PCDHA7: variants seen among roughly 807,000 people sequenced by gnomAD.
PCDHA7 encodes protocadherin alpha-7.
A neutral mutation model predicts 57.2 loss-of-function variants in PCDHA7; 37 were observed. The observed-to-expected ratio is 0.65, with a 90% CI of 0.50 to 0.85. PCDHA7 has a LOEUF of 0.85. PCDHA7 is among the 40% of genes least tolerant of loss of function. The probability of loss-of-function intolerance (pLI) is 0.00; values close to 1 mark genes in which losing one functional copy is unlikely to be tolerated. For missense variants in PCDHA7, 1,188 were observed against 1,241.8 expected (o/e 0.96, Z 0.65); for synonymous variants, 553 against 558.8 (o/e 0.99, Z 0.15).
rs966554278 is a variant in PCDHA7 at position 140,906,071 on chromosome 5, G to A, written c.2355+69333G>A. On this transcript the variant is annotated intron_variant, in intron 1 of 3. Coordinates refer to ENST00000525929, the MANE Select transcript of PCDHA7 (RefSeq NM_018910.3). ...GGCTGCACTGGCAGCTGATTAGATCGCACCCACCCAGACTGAGAGTAAGTG... is the reference window on the plus strand; with the variant it reads ...GGCTGCACTGGCAGCTGATTAGATCACACCCACCCAGACTGAGAGTAAGTG... 9.2e-5 allele frequency among the ~76,000 whole-genome samples: 14 copies of A among 152,200 alleles called. 1 individual carries two copies. The highest frequency in any genetic ancestry group is 3.9e-4 in the Admixed American group (6 of 15,286).
At chr5:141,006,637 T>C (rs782585273) in intron 3 of PCDHA7, among the ~76,000 whole-genome samples, 8 of 152,118 alleles carry the variant, frequency 5.3e-5, no homozygotes, top group Non-Finnish European at 1.2e-4. Flanking sequence ...GCAATTCATA[T>C]AAGAGATGAT....
chr5:140,877,789 A>C, intron 1 of PCDHA7: 1 of 1,614,072 alleles, frequency 6.2e-7, no homozygotes, highest in Non-Finnish European at 8.5e-7. Flanking sequence ...CATGGCCTTC[A>C]GCCCAAGCCT....
At position 140,835,062 on chromosome 5, in the gene PCDHA7, C is replaced by G; in HGVS notation, c.679C>G (p.Gln227Glu). 2 of 1,216,122 alleles carry G rather than the reference C, an allele frequency of 1.6e-6. No individual in the cohort carries two copies. Among genetic ancestry groups the G allele is most frequent in the South Asian group, 1.5e-5 (1 of 67,048 alleles). 75.3% of individuals were successfully genotyped at this position (1,216,122 alleles called of 1,614,324 possible). ...GGKPELTGTV[Q>E]LLITVLDNND... ...CAAACCCGAGCTGACTGGCACCGTT[C>G]AATTACTCATCACGGTACTGGACAA... Residue 227 changes from glutamine to glutamate, a missense_variant, in exon 1 of 4, where the codon CAA becomes GAA. Physicochemically the swap from Gln to Glu is conservative, Grantham distance 29. Coordinates refer to ENST00000525929, the MANE Select transcript of PCDHA7 (RefSeq NM_018910.3).
intron 1 of PCDHA7, chr5:140,967,709 G>T: frequency 6.2e-7 from 1 of 1,614,140 alleles, no homozygotes; most frequent in Non-Finnish European, 8.5e-7. Context: ...TGCCAGTACC[G>T]GGGAAGTGCG....
chr5:140,993,266 T>G (rs1049781348), intron 3 of PCDHA7, among the ~76,000 whole-genome samples: 1 of 152,182 alleles, frequency 6.6e-6, no homozygotes, highest in Non-Finnish European at 1.5e-5. Flanking sequence ...AATTAGCTTC[T>G]TTGGTCTTTT....
intron 1 of PCDHA7, among the ~76,000 whole-genome samples, chr5:140,910,377 C>T (rs1053075333): frequency 6.6e-6 from 1 of 152,244 alleles, no homozygotes; most frequent in East Asian, 1.9e-4. Flanking sequence ...GCCCACCTTG[C>T]CTTTGACAGT....
chr5:140,841,974 G>A (rs1777620025), intron 1 of PCDHA7: 1 of 1,613,872 alleles, frequency 6.2e-7, no homozygotes, highest in South Asian at 1.1e-5. Context: ...ACAGATGGGG[G>A]CAAACCTGAG....
chr5:140,862,491 C>T, intron 1 of PCDHA7: 1 of 387,444 alleles, frequency 2.6e-6, no homozygotes, highest in Admixed American at 3.4e-5. Flanking sequence ...TTGGTAATCG[C>T]TCGGAATGGG....
intron 1 of PCDHA7, chr5:140,851,981 G>A: frequency 1.0e-6 from 1 of 976,468 alleles, no homozygotes; most frequent in Non-Finnish European, 1.2e-6. Flanking sequence ...TACCTTTAGT[G>A]CAAGCTATTT....
At chr5:140,931,751 A>G (rs1393748704) in intron 1 of PCDHA7, among the ~76,000 whole-genome samples, 2 of 151,952 alleles carry the variant, frequency 1.3e-5, no homozygotes, top group African/African-American at 4.8e-5. Context: ...TCACAAAGGC[A>G]TTTGTTATTT....
At chr5:140,842,962 C>G (rs1554139576) in intron 1 of PCDHA7, 1 of 1,594,950 alleles carries the variant, frequency 6.3e-7, no homozygotes, top group African/African-American at 1.3e-5. Context: ...CTCTGGGCAG[C>G]AACGTGACGC....
At chr5:140,851,219 C>A (rs2041993259) in intron 1 of PCDHA7, 5 of 1,147,562 alleles carry the variant, frequency 4.4e-6, no homozygotes, top group Non-Finnish European at 4.5e-6. Context: ...ACATTAACAT[C>A]ACTATCATTT....
chr5:140,841,310 C>T, intron 1 of PCDHA7: 1 of 1,550,948 alleles, frequency 6.4e-7, no homozygotes, highest in South Asian at 1.2e-5. Context: ...TGATAGGAAA[C>T]GACTATTTAA....
intron 1 of PCDHA7, chr5:140,843,530 C>G (rs2150362147): frequency 1.3e-6 from 2 of 1,595,838 alleles, no homozygotes; most frequent in African/African-American, 1.3e-5. Flanking sequence ...GGCGGGCAAG[C>G]CCACTCTGGT....
chr5:140,877,247 C>T (rs782249614), intron 1 of PCDHA7: 1 of 1,613,680 alleles, frequency 6.2e-7, no homozygotes, highest in African/African-American at 1.3e-5. Context: ...CACGTGGTGG[C>T]GAAAGTGCGC....
At chr5:140,841,762 G>A in intron 1 of PCDHA7, 1 of 1,613,914 alleles carries the variant, frequency 6.2e-7, no homozygotes, top group Non-Finnish European at 8.5e-7. Context: ...AATCCAGAAT[G>A]CCAGACTCTC....
intron 1 of PCDHA7, among the ~76,000 whole-genome samples, chr5:140,947,528 T>C (rs1175792550): frequency 6.6e-6 from 1 of 151,692 alleles, no homozygotes; most frequent in African/African-American, 2.4e-5. Context: ...GAATCAACTT[T>C]TCAATTTCTA....
intron 1 of PCDHA7, chr5:140,862,752 G>A (rs554442218): frequency 5.2e-6 from 3 of 577,754 alleles, no homozygotes; most frequent in East Asian, 4.7e-5. Flanking sequence ...TGCACGCGGA[G>A]AGCGGCAAGA....
Position 140,853,160 on chromosome 5 carries a change from T to C in PCDHA7, c.2355+16422T>C, listed in dbSNP as rs2150529157. 1.0e-3 allele frequency: 954 copies of C among 925,650 alleles called. 57 individuals carry two copies. The highest frequency in any genetic ancestry group is 1.2e-3 in the Non-Finnish European group (917 of 763,430). 57.3% of individuals were successfully genotyped at this position (925,650 alleles called of 1,614,324 possible). ...TCCCAAAATGCTGGGATTACAGGCG[T>C]GAGCCACCGCGCCTGGCCTAAAATG... On this transcript the variant is annotated intron_variant, in intron 1 of 3. Transcript: ENST00000525929.
Sources: gnomAD v4.1 joint callset for allele counts (sites outside exome capture counted in the v4.1 genomes callset) on GRCh38, gnomAD v4.1.1 for gene constraint, MANE v1.5 for transcripts, NCBI Gene and HGNC (gene_info 2026-07-23, HGNC 2026-07-21) for gene names.